The following TTC34 variants were observed in gnomAD, a reference collection of about 807,000 sequenced individuals.
The protein encoded by TTC34 is tetratricopeptide repeat protein 34.
In TTC34, 44 loss-of-function variants were observed where a neutral mutation model predicts 40.7. That is an observed-to-expected ratio of 1.08 (90% CI 0.85 to 1.39). TTC34 has a LOEUF of 1.39. Among genes scored for constraint, TTC34 ranks in the 40% most tolerant of loss-of-function variants. TTC34 has a pLI of 0.00. For missense variants in TTC34, 884 were observed against 838.0 expected (o/e 1.05, Z -0.68); for synonymous variants, 422 against 398.6 (o/e 1.06, Z -0.70).
Position 2,649,030 on chromosome 1 carries a change from G to A in TTC34, c.2227-3467C>T, listed in dbSNP as rs1312798691. Among the ~76,000 whole-genome samples, 29 of 134,898 alleles carry A rather than the reference G, an allele frequency of 2.1e-4. No individual in the cohort carries two copies. The Admixed American group carries it at 2.2e-3, about 10-fold the overall frequency. The allele number at this position is 134,898 out of a possible 152,430, so 88.5% of individuals were successfully genotyped here. ...CCAGTTGAGCATCTGAAACCCTATA[G>A]CACCACCCCCAACCAACAGGTGAAA... is the stretch of plus-strand genomic sequence containing the variant. On this transcript the variant is annotated intron_variant, in intron 6 of 8. Coordinates refer to ENST00000401095, the Ensembl canonical transcript of TTC34.
In TTC34 at chr1:2,675,202, C is replaced by A. The variant is rs1376408063; in HGVS notation, c.2227-29639G>T. Among the ~76,000 whole-genome samples, 5 of 148,246 alleles carry A rather than the reference C, an allele frequency of 3.4e-5. No individual in the cohort carries two copies. In the East Asian group the frequency reaches 7.9e-4, roughly 23 times the overall value. On this transcript the variant is annotated intron_variant, in intron 6 of 8. Transcript: ENST00000401095. Reference sequence around the variant, plus strand: ...GACATCCTGGAGCAGCACCGACAACCCCAGGTGAGCATCTGAGAGCCTGGA... The same window carrying A: ...GACATCCTGGAGCAGCACCGACAACACCAGGTGAGCATCTGAGAGCCTGGA...
intron 6 of TTC34, among the ~76,000 whole-genome samples, chr1:2,773,095 C>T (rs1642546746): frequency 6.6e-6 from 1 of 150,680 alleles, no homozygotes; most frequent in African/African-American, 2.4e-5. Flanking sequence ...GCAGCACCCA[C>T]ACCCCCAGGC....
At chr1:2,691,776 A>G (rs1640630880) in intron 6 of TTC34, among the ~76,000 whole-genome samples, 1 of 92,018 alleles carries the variant, frequency 1.1e-5, no homozygotes, top group Non-Finnish European at 2.5e-5. Context: ...AAATAGCAGC[A>G]CCCACACCCC....
At chr1:2,695,723 T>A (rs1460247666) in intron 6 of TTC34, among the ~76,000 whole-genome samples, 2 of 126,630 alleles carry the variant, frequency 1.6e-5, no homozygotes, top group Admixed American at 8.1e-5. Flanking sequence ...CACCCCCAGG[T>A]GAGCAGCTGA....
At chr1:2,795,295 G>A (rs1381399728) in intron 2 of TTC34, among the ~76,000 whole-genome samples, 2 of 152,324 alleles carry the variant, frequency 1.3e-5, no homozygotes, top group African/African-American at 2.4e-5. Context: ...TTATTCCTCA[G>A]TTTGGGCTGG....
At chr1:2,752,708 T>G (rs1247614014) in intron 6 of TTC34, among the ~76,000 whole-genome samples, 2 of 132,082 alleles carry the variant, frequency 1.5e-5, no homozygotes, top group East Asian at 5.0e-4. Flanking sequence ...GATGAGCATC[T>G]GACAGCATGG....
At chr1:2,646,906 G>A (rs925263050) in intron 6 of TTC34, among the ~76,000 whole-genome samples, 3 of 152,054 alleles carry the variant, frequency 2.0e-5, no homozygotes, top group Admixed American at 6.6e-5. Flanking sequence ...TGTCACCCTC[G>A]TTTCTGAAGG....
chr1:2,786,067 G>A, intron 4 of TTC34, 44 bp from the exon 5 acceptor site: 1 of 1,410,596 alleles, frequency 7.1e-7, no homozygotes, highest in Non-Finnish European at 9.3e-7. Context: ...TGGGACCGAT[G>A]CCCTGGAGCC....
At chr1:2,775,176 C>T (rs1642987222) in intron 6 of TTC34, 1 of 143,704 alleles carries the variant, frequency 7.0e-6, no homozygotes, top group Non-Finnish European at 1.5e-5. Context: ...ACGCATAAAA[C>T]AGCACCCTGC....
chr1:2,692,721 G>GACAGCCTAGAACAACACCCTGC (rs1640683522), intron 6 of TTC34, among the ~76,000 whole-genome samples: 1 of 100,208 alleles, frequency 1.0e-5, no homozygotes, highest in African/African-American at 4.7e-5. Flanking sequence ...GTGAGCATCT[G>GACAGCCTAGAACAACACCCTGC]AGAGCCTGGA....
chr1:2,790,283 G>T, exon 3 of TTC34: 1 of 398,468 alleles, frequency 2.5e-6, no homozygotes, highest in Middle Eastern at 6.3e-4. Flanking sequence ...CACGTCCTGG[G>T]CCCGGCCGTC....
intron 6 of TTC34, chr1:2,776,113 A>C (rs1230674525): frequency 7.2e-6 from 1 of 138,362 alleles, no homozygotes; most frequent in Non-Finnish European, 1.5e-5. Flanking sequence ...AAGTGGGAAA[A>C]AGCTCCCCGC....
exon 5 of TTC34, chr1:2,785,925 G>A: frequency 6.5e-7 from 1 of 1,532,086 alleles, no homozygotes; most frequent in Non-Finnish European, 8.8e-7. Flanking sequence ...CCCTGGCGTG[G>A]CAGTGGCCTT....
intron 6 of TTC34, chr1:2,775,483 C>G (rs1176003740): frequency 6.8e-6 from 1 of 147,400 alleles, no homozygotes; most frequent in Non-Finnish European, 1.5e-5. Flanking sequence ...CCCAGGTGTG[C>G]ATCTGACAGC....
intron 6 of TTC34, among the ~76,000 whole-genome samples, chr1:2,649,207 C>T (rs1639078097): frequency 6.6e-6 from 1 of 151,834 alleles, no homozygotes; most frequent in Non-Finnish European, 1.5e-5. Context: ...CATTCTCCAA[C>T]CCCAGGTGAG....
At chr1:2,765,821 G>A (rs1641773949) in intron 6 of TTC34, among the ~76,000 whole-genome samples, 2 of 8,634 alleles carry the variant, frequency 2.3e-4, no homozygotes, top group Non-Finnish European at 3.5e-4. Context: ...TGACAGCCTG[G>A]AGCAGCACCC....
intron 6 of TTC34, among the ~76,000 whole-genome samples, chr1:2,680,985 C>G (rs1271454272): frequency 2.8e-5 from 2 of 71,542 alleles, no homozygotes; most frequent in East Asian, 7.1e-4. Context: ...CACCCACACC[C>G]CCAGGTGAGC....
chr1:2,687,476 G>C (rs1322422342), intron 6 of TTC34, among the ~76,000 whole-genome samples: 1 of 147,394 alleles, frequency 6.8e-6, no homozygotes, highest in East Asian at 2.0e-4. Flanking sequence ...GCCTGGAACA[G>C]CACCCACACA....
At chr1:2,750,708 C>G (rs1436228237) in intron 6 of TTC34, among the ~76,000 whole-genome samples, 6 of 139,208 alleles carry the variant, frequency 4.3e-5, no homozygotes, top group African/African-American at 1.4e-4. Flanking sequence ...CATCCGACAG[C>G]CTGGAGCAGC....
Sources: gnomAD v4.1 joint callset for allele counts (sites outside exome capture counted in the v4.1 genomes callset) on GRCh38, gnomAD v4.1.1 for gene constraint, MANE v1.5 for transcripts, NCBI Gene and HGNC (gene_info 2026-07-23, HGNC 2026-07-21) for gene names.